FOXP4: variants seen among roughly 807,000 people sequenced by gnomAD.
FOXP4 encodes the protein forkhead box protein P4.
FOXP4 carries 25 observed loss-of-function variants against 82.6 expected under a neutral mutation model. The ratio of observed to expected loss-of-function variants is 0.30; its 90% confidence interval spans 0.22 to 0.42. The LOEUF is 0.42. Ranked by LOEUF, FOXP4 falls within the 10% of genes least tolerant of loss-of-function variation. The pLI is 1.00. For synonymous variants in FOXP4, 415 were observed against 388.2 expected (o/e 1.07, Z -0.81); for missense variants, 785 against 900.9 (o/e 0.87, Z 1.65).
chr6:41,594,487 G>A (rs1047047178), intron 13 of FOXP4, among the ~76,000 whole-genome samples: 2 of 152,210 alleles, frequency 1.3e-5, no homozygotes, highest in Non-Finnish European at 1.5e-5. Flanking sequence ...GCCGGGGCCC[G>A]AATGTGATCT....
At chr6:41,575,851 G>A (rs932510556) in intron 2 of FOXP4, among the ~76,000 whole-genome samples, 5 of 151,838 alleles carry the variant, frequency 3.3e-5, no homozygotes, top group Middle Eastern at 3.4e-3. Flanking sequence ...GGGCTGGCCA[G>A]CCTCTCTGAG....
intron 1 of FOXP4, among the ~76,000 whole-genome samples, chr6:41,552,079 G>A (rs576893814): frequency 1.3e-5 from 2 of 152,216 alleles, no homozygotes; most frequent in Non-Finnish European, 2.9e-5. Flanking sequence ...AAACCAGGGG[G>A]TGGGAGGTTG....
chr6:41,560,784 CA>C (rs1396702503), intron 1 of FOXP4, among the ~76,000 whole-genome samples: 1 of 152,094 alleles, frequency 6.6e-6, no homozygotes, highest in Non-Finnish European at 1.5e-5. Context: ...GGTGTCATGG[CA>C]AATGTTACGG....
rs561486709 is a variant in FOXP4, at chr6:41,595,332, G to A, written c.1658+341G>A. Among the ~76,000 whole-genome samples, 3 of 152,106 alleles carry A rather than the reference G, an allele frequency of 2.0e-5. No homozygotes were observed. The South Asian group carries it at 6.2e-4, about 31-fold the overall frequency. On this transcript the variant is annotated intron_variant, in intron 14 of 16. Coordinates refer to ENST00000307972, the MANE Select transcript of FOXP4 (RefSeq NM_001012426.2). ...GCAGATGCCAGCCAACGGGCCATGGGTGAGGGGCTGCCACCCCCAGGGCAC... is the reference window on the plus strand; with the variant it reads ...GCAGATGCCAGCCAACGGGCCATGGATGAGGGGCTGCCACCCCCAGGGCAC...
intron 2 of FOXP4, among the ~76,000 whole-genome samples, chr6:41,568,053 A>G (rs1015515455): frequency 1.3e-4 from 20 of 152,368 alleles, no homozygotes; most frequent in Non-Finnish European, 2.2e-4. Context: ...GAAATAGTCC[A>G]TGGGCTATTC....
chr6:41,595,069 AG>A, intron 14 of FOXP4, 78 bp downstream of exon 14: 1 of 1,593,612 alleles, frequency 6.3e-7, no homozygotes, highest in Non-Finnish European at 8.6e-7. Flanking sequence ...CTACCTCTCC[AG>A]GGTACACATG....
chr6:41,584,508 T>G (rs550373798), intron 3 of FOXP4, among the ~76,000 whole-genome samples: 1 of 152,352 alleles, frequency 6.6e-6, no homozygotes, highest in South Asian at 2.1e-4. Context: ...AGGCCTTGTT[T>G]TAAGTATTCA....
intron 2 of FOXP4, among the ~76,000 whole-genome samples, chr6:41,568,370 T>C (rs72858942): frequency 0.023 from 3,565 of 152,328 alleles, 64 homozygotes; most frequent in Non-Finnish European, 0.036. Flanking sequence ...GTTGTCAAGA[T>C]GGCACAATAA....
At chr6:41,581,302 G>A (rs979046869) in intron 3 of FOXP4, among the ~76,000 whole-genome samples, 1 of 152,086 alleles carries the variant, frequency 6.6e-6, no homozygotes. Context: ...AATTGCATTC[G>A]TTCCCACTCT....
intron 15 of FOXP4, 93 bp from the exon 16 acceptor site, chr6:41,597,688 C>A: frequency 1.4e-6 from 2 of 1,453,946 alleles, no homozygotes; most frequent in South Asian, 1.3e-5. Context: ...GACACACAGG[C>A]AGCTCTCTAG....
intron 1 of FOXP4, among the ~76,000 whole-genome samples, chr6:41,553,851 G>A (rs1033095680): frequency 6.6e-6 from 1 of 152,224 alleles, no homozygotes; most frequent in African/African-American, 2.4e-5. Flanking sequence ...GGGCATAGGT[G>A]TGTGGTACCT....
chr6:41,598,888 G>A lies in FOXP4; in HGVS notation c.1995G>A (p.Pro665=), dbSNP rs376696278. The A allele has an allele frequency of 3.2e-5, 52 of 1,606,266 alleles. No homozygotes were observed. Among genetic ancestry groups the A allele is most frequent in the Non-Finnish European group, 3.9e-5 (46 of 1,177,508 alleles). The change falls in exon 17 of 17, where the codon CCG becomes CCA. Residue 665 remains proline (P), a synonymous_variant. Coordinates refer to ENST00000307972, the MANE Select transcript of FOXP4 (RefSeq NM_001012426.2). ...CTAACCCCAGCGCCTCGGGGCCTCCGGAAGACAGGGACCTGGAGGAGGAGC... is the reference window on the plus strand; with the variant it reads ...CTAACCCCAGCGCCTCGGGGCCTCCAGAAGACAGGGACCTGGAGGAGGAGC... ...GAPNPSASGP[P]EDRDLEEELP...
At chr6:41,553,754 C>G (rs897772435) in intron 1 of FOXP4, among the ~76,000 whole-genome samples, 1 of 152,188 alleles carries the variant, frequency 6.6e-6, no homozygotes, top group African/African-American at 2.4e-5. Flanking sequence ...AGAGAAGGAC[C>G]AAGCTAGGGA....
At chr6:41,547,109 C>T (rs1007176134) in intron 1 of FOXP4, among the ~76,000 whole-genome samples, 3 of 151,774 alleles carry the variant, frequency 2.0e-5, no homozygotes, top group South Asian at 2.1e-4. Context: ...GCCCCTGGCC[C>T]GGGCCCCAGC....
chr6:41,594,970 G>T lies in FOXP4; in HGVS notation c.1637G>T (p.Arg546Leu). The T allele has an allele frequency of 6.2e-7, 1 of 1,614,136 alleles. No homozygotes were observed. Among genetic ancestry groups the T allele is most frequent in the Non-Finnish European group, 8.5e-7 (1 of 1,180,018 alleles). The stretch of plus-strand genomic sequence containing the variant: ...GTGGACGAGCGGGAGTATCAGAAGC[G>T]GAGACCGCCAAAGATGACAGGGTAT... ...WTVDEREYQKRRPPKMTGSPT... is the reference protein window; with the variant it reads ...WTVDEREYQKLRPPKMTGSPT... The change falls in exon 14 of 17, where the codon CGG becomes CTG. Residue 546 changes from arginine to leucine, a missense_variant. This residue lies in a region of FOXP4 where 184 missense variants were observed against 187.3 expected (regional missense o/e 0.98). Transcript: ENST00000307972.
At position 41,587,869 on chromosome 6, in the gene FOXP4, C is replaced by G; in HGVS notation, c.949C>G (p.Leu317Val). 1 of 1,564,676 alleles carries G rather than the reference C, an allele frequency of 6.4e-7. No homozygotes were observed. The highest frequency in any genetic ancestry group is 8.7e-7 in the Non-Finnish European group (1 of 1,153,194). The change falls in exon 8 of 17, where the codon CTG (leucine) becomes GTG (valine). Residue 317 changes from leucine to valine, a missense_variant. By Grantham distance (32) the Leu-to-Val change is conservative (BLOSUM62 1). This residue lies in a region of FOXP4 where 570 missense variants were observed against 634.0 expected (regional missense o/e 0.90). Transcript: ENST00000307972. Reference sequence around the variant, plus strand: ...GTGCAAGTGGCCAGGCTGTGAGACCCTGTGTGAAGACCTGGGCCAGTTTAT... The same window carrying G: ...GTGCAAGTGGCCAGGCTGTGAGACCGTGTGTGAAGACCTGGGCCAGTTTAT... ...GECKWPGCET[L>V]CEDLGQFIKH...
chr6:41,587,298 G>T lies in FOXP4; in HGVS notation c.659-1G>T. On this transcript the variant is annotated splice_acceptor_variant, in intron 6 of 16. Transcript: ENST00000307972. LOFTEE classifies it high-confidence loss of function. ...GCCAGCCTCCCCTGTCTCTCCCACA[G>T]CAGCTGTTTGCCCAACAGACCTGCC... 1 of 1,612,514 alleles carries T rather than the reference G, an allele frequency of 6.2e-7. No individual in the cohort carries two copies. Among genetic ancestry groups the T allele is most frequent in the Non-Finnish European group, 8.5e-7 (1 of 1,179,866 alleles).
intron 15 of FOXP4, 115 bp downstream of exon 15, chr6:41,597,357 A>T: frequency 9.0e-7 from 1 of 1,109,510 alleles, no homozygotes; most frequent in Non-Finnish European, 1.3e-6. Flanking sequence ...AGGAGGGTGA[A>T]GACCCAAACT....
intron 14 of FOXP4, among the ~76,000 whole-genome samples, chr6:41,595,571 T>C (rs1431283157): frequency 3.3e-5 from 5 of 152,104 alleles, no homozygotes; most frequent in East Asian, 1.9e-4. Flanking sequence ...TATTTACTTA[T>C]TTATTTATTA....
Sources: allele counts gnomAD v4.1 joint callset (sites outside exome capture counted in the v4.1 genomes callset), GRCh38; gene constraint gnomAD v4.1.1; regional missense constraint gnomAD v4.1.1; transcripts MANE v1.5; gene names NCBI Gene and HGNC (gene_info 2026-07-23, HGNC 2026-07-21).